The following NR3C1 variants were observed in gnomAD, a reference collection of about 807,000 sequenced individuals.
NR3C1 encodes the protein glucocorticoid receptor.
A neutral mutation model predicts 74.0 loss-of-function variants in NR3C1; 14 were observed. That is an observed-to-expected ratio of 0.19 (90% confidence interval 0.12 to 0.30). The LOEUF (loss-of-function observed/expected upper bound fraction) is 0.30. Ranked by LOEUF, NR3C1 falls within the 10% of genes least tolerant of loss-of-function variation. The probability of loss-of-function intolerance (pLI) is 1.00; values close to 1 mark genes in which losing one functional copy is unlikely to be tolerated. For synonymous variants in NR3C1, 308 were observed against 332.5 expected, an observed-to-expected ratio of 0.93 and a Z score of 0.80; for missense variants, 695 against 909.8, an observed-to-expected ratio of 0.76 and a Z score of 3.04.
chr5:143,396,559 T>C (rs1363156111), intron 2 of NR3C1, among the ~76,000 whole-genome samples: 1 of 151,874 alleles, frequency 6.6e-6, no homozygotes, highest in Non-Finnish European at 1.5e-5. Flanking sequence ...TTAGCAGAAT[T>C]TGCTTCATTC....
Position 143,400,175 on chromosome 5 carries a change from T to C in NR3C1, c.665A>G (p.Asn222Ser). Residue 222 changes from asparagine to serine, a missense_variant, in exon 2 of 9, where the codon AAC becomes AGC. Physicochemically the swap from Asn to Ser is conservative, Grantham distance 46. This residue lies in a region of NR3C1 where 497 missense variants were observed against 489.5 expected (regional missense o/e 1.02). Transcript: ENST00000394464. The part of the protein sequence containing the change: ...PWRSDLLIDE[N>S]CLLSPLAGED... Reference sequence around the variant, plus strand: ...TCCCGCCAGAGGAGAAAGCAAACAGTTTTCATCTATCAACAGGTCTGATCT... The same window carrying C: ...TCCCGCCAGAGGAGAAAGCAAACAGCTTTCATCTATCAACAGGTCTGATCT... The C allele has an allele frequency of 1.9e-6, 3 of 1,613,900 alleles. No individual in the cohort carries two copies. The highest frequency in any genetic ancestry group is 2.5e-6 in the Non-Finnish European group (3 of 1,179,970).
rs1368418011 is a variant in NR3C1 at position 143,315,454 on chromosome 5, C to T, written c.1185-1286G>A. ...TTCTGGAATTCTACATATTAAAGTC[C>T]GTTTTGCTTATCATCTATACAAGTT... On this transcript the variant is annotated intron_variant, in intron 2 of 8. Coordinates refer to ENST00000394464, the MANE Select transcript of NR3C1 (RefSeq NM_000176.3). 3.3e-5 allele frequency among the ~76,000 whole-genome samples: 5 copies of T among 152,052 alleles called. 1 individual carries two copies. The highest frequency in any genetic ancestry group is 5.9e-5 in the Non-Finnish European group (4 of 68,000).
chr5:143,330,775 C>G (rs181716319), intron 2 of NR3C1, among the ~76,000 whole-genome samples: 2 of 152,164 alleles, frequency 1.3e-5, no homozygotes, highest in Admixed American at 6.5e-5. Flanking sequence ...TCACTTTCAA[C>G]AAAATCATCC....
At chr5:143,310,262 AT>A in intron 3 of NR3C1, 49 bp from the exon 4 acceptor site, 1 of 1,282,706 alleles carries the variant, frequency 7.8e-7, no homozygotes, top group Non-Finnish European at 1.1e-6. Flanking sequence ...CTTCAAACAT[AT>A]TTTATAAGGA....
chr5:143,320,964 T>C (rs1419210371), intron 2 of NR3C1, among the ~76,000 whole-genome samples: 1 of 152,300 alleles, frequency 6.6e-6, no homozygotes, highest in East Asian at 1.9e-4. Flanking sequence ...TAATAGTACA[T>C]TGAATGGTAA....
intron 2 of NR3C1, among the ~76,000 whole-genome samples, chr5:143,391,725 C>T (rs528820968): frequency 7.9e-5 from 12 of 152,108 alleles, no homozygotes; most frequent in African/African-American, 2.7e-4. Context: ...GAAGATACTA[C>T]GTTGGCATTT....
chr5:143,280,002 G>A lies in NR3C1; in HGVS notation c.*1887C>T, dbSNP rs1052269097. On this transcript the variant is annotated 3_prime_UTR_variant, in exon 9 of 9. Transcript: ENST00000394464. ...AAGGGTGGTCAGAATGGGAGGCAGA[G>A]GATAACTTCCTCTGTAATCTCACTG... The A allele has an allele frequency of 1.3e-5, 2 of 152,504 alleles. No individual in the cohort carries two copies. Among genetic ancestry groups the A allele is most frequent in the African/African-American group, 4.8e-5 (2 of 41,416 alleles). 9.4% of individuals were successfully genotyped at this position (152,504 alleles called of 1,614,324 possible).
Position 143,403,443 on chromosome 5 carries a change from G to A in NR3C1, c.-246C>T, listed in dbSNP as rs1254549252. 2 of 838,806 alleles carry A rather than the reference G, an allele frequency of 2.4e-6. No individual in the cohort carries two copies. The highest frequency in any genetic ancestry group is 6.1e-5 in the South Asian group (1 of 16,462). The allele number at this position is 838,806 out of a possible 1,614,324, so 52.0% of individuals were successfully genotyped here. On this transcript the variant is annotated 5_prime_UTR_variant, in exon 1 of 9. Coordinates refer to ENST00000394464, the MANE Select transcript of NR3C1 (RefSeq NM_000176.3). ...CCTCCGCCCCGCGCCGGGCTCCGCG[G>A]GTCGAGGTTCCGGGCGCGCGTGCCC...
intron 1 of NR3C1, among the ~76,000 whole-genome samples, chr5:143,427,132 C>T (rs1751570994): frequency 6.6e-6 from 1 of 152,094 alleles, no homozygotes; most frequent in Admixed American, 6.6e-5. Context: ...AGGAAGAACC[C>T]CAGTCTGCAC....
chr5:143,387,722 G>A lies in NR3C1; in HGVS notation c.1184+11934C>T, dbSNP rs9324919. Among the ~76,000 whole-genome samples, 623 of 152,236 alleles carry A rather than the reference G, an allele frequency of 4.1e-3. 2 individuals are homozygous for A. The highest frequency in any genetic ancestry group is 0.014 in the African/African-American group (597 of 41,536). On this transcript the variant is annotated intron_variant, in intron 2 of 8. Coordinates refer to ENST00000394464, the MANE Select transcript of NR3C1 (RefSeq NM_000176.3). ...AGGTTGAACTCTCCTATAACTCTTA[G>A]TAGAAGAGATGAACTTATCCTACCA...
At chr5:143,407,522 C>G (rs1841155740), upstream of NR3C1, 1 of 152,232 alleles carries the variant, frequency 6.6e-6, no homozygotes, top group Non-Finnish European at 1.5e-5. Context: ...CCCACCAGAA[C>G]ATAAGTTCTG....
intron 7 of NR3C1, among the ~76,000 whole-genome samples, chr5:143,287,828 C>G (rs1162964094): frequency 1.3e-5 from 2 of 152,132 alleles, no homozygotes; most frequent in Non-Finnish European, 2.9e-5. Context: ...AAAACTAGAT[C>G]TTAAACCATT....
intron 2 of NR3C1, among the ~76,000 whole-genome samples, chr5:143,357,538 A>C (rs1358327389): frequency 2.0e-5 from 3 of 152,212 alleles, no homozygotes; most frequent in African/African-American, 7.2e-5. Flanking sequence ...GGCAAAAGGC[A>C]ATTTAAACCC....
rs138175715 is a variant in NR3C1, at chr5:143,428,335, G to T, written c.-14+6197C>A. Among the ~76,000 whole-genome samples the T allele has an allele frequency of 1.7e-3, 264 of 152,328 alleles. 2 individuals carry two copies. Among genetic ancestry groups the T allele is most frequent in the African/African-American group, 6.0e-3 (250 of 41,574 alleles). Reference sequence around the variant, plus strand: ...ACAAAATGGGATCAATGGTTCACATGGTGAGTGAATGTTGAAATACTGATC... The same window carrying T: ...ACAAAATGGGATCAATGGTTCACATTGTGAGTGAATGTTGAAATACTGATC... On this transcript the variant is annotated intron_variant, in intron 1 of 8. Transcript: ENST00000343796.
intron 6 of NR3C1, among the ~76,000 whole-genome samples, chr5:143,297,218 T>C (rs565912422): frequency 6.6e-6 from 1 of 152,224 alleles, no homozygotes; most frequent in African/African-American, 2.4e-5. Flanking sequence ...AAAAAAATTA[T>C]AAATCCCACT....
At chr5:143,295,631 C>T in intron 6 of NR3C1, 41 bp from the exon 7 acceptor site, 1 of 1,539,344 alleles carries the variant, frequency 6.5e-7, no homozygotes, top group Non-Finnish European at 9.0e-7. Flanking sequence ...AGAAATACTG[C>T]TACTTCCCCC....
intron 6 of NR3C1, among the ~76,000 whole-genome samples, chr5:143,298,073 G>A (rs1405276411): frequency 6.6e-6 from 1 of 152,200 alleles, no homozygotes; most frequent in Non-Finnish European, 1.5e-5. Context: ...CTGCAATGAG[G>A]TAAGGGGAAA....
At chr5:143,426,866 T>TG (rs1253687341) in intron 1 of NR3C1, among the ~76,000 whole-genome samples, 1 of 152,214 alleles carries the variant, frequency 6.6e-6, no homozygotes, top group Non-Finnish European at 1.5e-5. Flanking sequence ...GTGTGTCTCC[T>TG]GGTGAAGAGG....
intron 2 of NR3C1, among the ~76,000 whole-genome samples, chr5:143,357,832 AG>A (rs1468776490): frequency 2.0e-5 from 3 of 152,250 alleles, no homozygotes; most frequent in East Asian, 1.9e-4. Flanking sequence ...AGAAGTTCAT[AG>A]GCCATTCCGA....
Sources: gnomAD v4.1 joint callset for allele counts (sites outside exome capture counted in the v4.1 genomes callset) on GRCh38, gnomAD v4.1.1 for gene constraint, gnomAD v4.1.1 regional missense constraint, MANE v1.5 for transcripts, NCBI Gene and HGNC (gene_info 2026-07-23, HGNC 2026-07-21) for gene names.